The following TNKS variants were observed in gnomAD, a reference collection of about 807,000 sequenced individuals.
TNKS encodes poly [ADP-ribose] polymerase tankyrase-1.
A neutral mutation model predicts 135.8 loss-of-function variants in TNKS; 72 were observed. That is an observed-to-expected ratio of 0.53 (90% CI 0.44 to 0.64). The LOEUF is 0.64. Among genes scored for constraint, TNKS ranks in the 30% least tolerant of loss-of-function variants. The pLI is 0.00. For synonymous variants in TNKS, 849 were observed against 649.3 expected (o/e 1.31, Z -4.68); for missense variants, 1,769 against 1,674.0 (o/e 1.06, Z -0.99).
At chr8:9,763,390 A>C in intron 22 of TNKS, 146 bp downstream of exon 22, 1 of 425,222 alleles carries the variant, frequency 2.4e-6, no homozygotes, top group Non-Finnish European at 4.0e-6. Context: ...AATATTGCCA[A>C]AATTAAAATA....
At position 9,704,793 on chromosome 8, in the gene TNKS, T is replaced by C. The variant is rs1803975541; in HGVS notation, c.1202+36T>C. 3 of 1,548,286 alleles carry C rather than the reference T, an allele frequency of 1.9e-6. No homozygotes were observed. In the East Asian group the frequency reaches 6.8e-5, roughly 35 times the overall value. Reference sequence around the variant, plus strand: ...CAGTTTACTTCCTGTCAGTGCTTTGTTTTTTGTCTGATACTCTAAACTTTT... The same window carrying C: ...CAGTTTACTTCCTGTCAGTGCTTTGCTTTTTGTCTGATACTCTAAACTTTT... On this transcript the variant is annotated intron_variant, in intron 6 of 26. Transcript: ENST00000310430.
At chr8:9,684,791 G>C (rs1196302957) in intron 5 of TNKS, among the ~76,000 whole-genome samples, 2 of 152,058 alleles carry the variant, frequency 1.3e-5, no homozygotes, top group East Asian at 3.8e-4. Context: ...TTAGTGTCAT[G>C]GGAGATAACT....
chr8:9,667,929 G>A (rs1400910160), intron 3 of TNKS, among the ~76,000 whole-genome samples: 1 of 148,434 alleles, frequency 6.7e-6, no homozygotes, highest in African/African-American at 2.5e-5. Context: ...TACAGGCACT[G>A]TTTACAATAT....
At chr8:9,663,174 C>T (rs1381383648) in intron 3 of TNKS, among the ~76,000 whole-genome samples, 1 of 152,228 alleles carries the variant, frequency 6.6e-6, no homozygotes. Flanking sequence ...GAACACATCC[C>T]TGCTCATCCA....
chr8:9,677,822 T>A (rs1563161901), intron 3 of TNKS, among the ~76,000 whole-genome samples: 1 of 152,116 alleles, frequency 6.6e-6, no homozygotes, highest in Non-Finnish European at 1.5e-5. Flanking sequence ...CCCCTGTGAG[T>A]GTCCTTTGCT....
chr8:9,622,588 A>G (rs1799906789), intron 3 of TNKS, among the ~76,000 whole-genome samples: 1 of 152,204 alleles, frequency 6.6e-6, no homozygotes. Flanking sequence ...GCAGAATCAG[A>G]CTTTTTACCT....
chr8:9,598,765 GTATATA>G (rs71201956), intron 2 of TNKS, among the ~76,000 whole-genome samples: 1,501 of 48,316 alleles, frequency 0.031, 23 homozygotes, highest in East Asian at 0.033. Context: ...ATGTGTGTGT[GTATATA>G]TATATATATA....
At chr8:9,766,562 C>A (rs748769724) in intron 25 of TNKS, 137 bp downstream of exon 25, 2 of 706,614 alleles carry the variant, frequency 2.8e-6, no homozygotes. Context: ...TCCTGGCTCA[C>A]GCAACCTCCA....
chr8:9,615,443 CTTTTTTTCTT>C (rs527298265), intron 2 of TNKS, 129 bp from the exon 3 acceptor site: 148 of 623,712 alleles, frequency 2.4e-4, no homozygotes, highest in Admixed American at 5.2e-4. Context: ...TGCTTTTTTG[CTTTTTTTCTT>C]TTTTTTTCTT....
chr8:9,692,301 G>T (rs1803312423), intron 5 of TNKS, among the ~76,000 whole-genome samples: 1 of 152,000 alleles, frequency 6.6e-6, no homozygotes, highest in African/African-American at 2.4e-5. Flanking sequence ...TGTTTGGTTT[G>T]TTGTTCCTGC....
chr8:9,556,099 G>GCCC lies in TNKS; in HGVS notation c.163_165dup (p.Pro55dup), dbSNP rs1298889241. On this transcript the variant is annotated inframe_insertion, in exon 1 of 27. Coordinates refer to ENST00000310430, the MANE Select transcript of TNKS (RefSeq NM_003747.3). ...AGCCTCTCCCACGGCCAGCGGCCTGGCCCCCTTCGCCTCCCCGCGGCACGG... is the reference window on the plus strand; with the variant it reads ...AGCCTCTCCCACGGCCAGCGGCCTGGCCCCCCCCTTCGCCTCCCCGCGGCACGG... 6.2e-7 allele frequency: 1 copy of GCCC among 1,600,398 alleles called. No homozygotes were observed. Among genetic ancestry groups the GCCC allele is most frequent in the Non-Finnish European group, 8.5e-7 (1 of 1,174,278 alleles).
chr8:9,614,259 G>A (rs942194086), intron 2 of TNKS, among the ~76,000 whole-genome samples: 6 of 152,170 alleles, frequency 3.9e-5, no homozygotes, highest in African/African-American at 1.4e-4. Flanking sequence ...TCTTGAATCA[G>A]TTTATAAACA....
At chr8:9,748,248 TCTA>T in intron 18 of TNKS, 36 bp downstream of exon 18, 1 of 1,415,888 alleles carries the variant, frequency 7.1e-7, no homozygotes, top group Non-Finnish European at 9.3e-7. Context: ...TATTGTTCCT[TCTA>T]CTTTCACAGA....
intron 3 of TNKS, among the ~76,000 whole-genome samples, chr8:9,639,562 A>G (rs1465870563): frequency 2.7e-5 from 4 of 150,792 alleles, no homozygotes; most frequent in South Asian, 4.2e-4. Flanking sequence ...GTAGCTTTCA[A>G]TCTTGTATCT....
intron 1 of TNKS, among the ~76,000 whole-genome samples, chr8:9,567,496 A>T (rs1797588653): frequency 6.6e-6 from 1 of 152,202 alleles, no homozygotes; most frequent in Admixed American, 6.5e-5. Flanking sequence ...GCTCACTGCA[A>T]GCTCTGCCTC....
chr8:9,583,296 T>A (rs1025042113), intron 2 of TNKS, among the ~76,000 whole-genome samples: 4 of 152,150 alleles, frequency 2.6e-5, no homozygotes, highest in African/African-American at 9.7e-5. Flanking sequence ...AATGCTTGTA[T>A]AATTAAACAA....
intron 1 of TNKS, 24 bp from the exon 2 acceptor site, chr8:9,580,135 A>G: frequency 6.3e-7 from 1 of 1,596,776 alleles, no homozygotes; most frequent in Non-Finnish European, 8.6e-7. Flanking sequence ...TATATATACA[A>G]GACATTTTTT....
At chr8:9,747,392 C>G (rs1194661426) in intron 17 of TNKS, among the ~76,000 whole-genome samples, 2 of 151,854 alleles carry the variant, frequency 1.3e-5, no homozygotes, top group Non-Finnish European at 2.9e-5. Flanking sequence ...TTTTCTGTAA[C>G]TGTCAATGGT....
In TNKS at chr8:9,568,037, T is replaced by C. The variant is rs1585176399; in HGVS notation, c.673+11425T>C. ...CTAACACGAAATATGGAAAATAGTA[T>C]ATTTAATAGACTGAATCTCTGCAGT... On this transcript the variant is annotated intron_variant, in intron 1 of 26. Transcript: ENST00000310430. 2.0e-5 allele frequency among the ~76,000 whole-genome samples: 3 copies of C among 152,226 alleles called. No individual in the cohort carries two copies. The South Asian group carries it at 6.2e-4, about 31-fold the overall frequency.
Sources: gnomAD v4.1 joint callset for allele counts (sites outside exome capture counted in the v4.1 genomes callset) on GRCh38, gnomAD v4.1.1 for gene constraint, MANE v1.5 for transcripts, NCBI Gene and HGNC (gene_info 2026-07-23, HGNC 2026-07-21) for gene names.